ANK3: variants seen among roughly 807,000 people sequenced by gnomAD.
The protein encoded by ANK3 is ankyrin-3.
In ANK3, 57 loss-of-function variants were observed where a neutral mutation model predicts 370.9. The observed-to-expected ratio is 0.15, with a 90% confidence interval of 0.12 to 0.19. The LOEUF (loss-of-function observed/expected upper bound fraction) is 0.19. Among genes scored for constraint, ANK3 ranks in the 10% least tolerant of loss-of-function variants. The probability of loss-of-function intolerance (pLI) is 1.00; values close to 1 mark genes in which losing one functional copy is unlikely to be tolerated. For synonymous variants in ANK3, 1,929 were observed against 1,946.3 expected (o/e 0.99, Z 0.23); for missense variants, 4,439 against 5,302.1 (o/e 0.84, Z 5.06).
At chr10:60,485,153 T>A (rs2075317556) in intron 2 of ANK3, among the ~76,000 whole-genome samples, 1 of 151,890 alleles carries the variant, frequency 6.6e-6, no homozygotes, top group East Asian at 1.9e-4. Context: ...AACACTCGAG[T>A]CGGTTTCATC....
intron 2 of ANK3, among the ~76,000 whole-genome samples, chr10:60,477,972 A>G (rs1458630093): frequency 6.6e-6 from 1 of 152,098 alleles, no homozygotes; most frequent in East Asian, 1.9e-4. Context: ...AAAACTTAAA[A>G]TATATAATTG....
At chr10:60,444,444 G>GTGTATATATA (rs386361850) in intron 2 of ANK3, among the ~76,000 whole-genome samples, 1 of 148,786 alleles carries the variant, frequency 6.7e-6, no homozygotes, top group African/African-American at 2.5e-5. Flanking sequence ...GTGTGTGTGT[G>GTGTATATATA]TATATATATA....
In ANK3 at chr10:60,648,767, T is replaced by TA. The variant is rs796546062; in HGVS notation, c.58-33544dup. On this transcript the variant is annotated intron_variant, in intron 1 of 43. Transcript: ENST00000373827. ...CCTGGGTGACAGAATAAGACTGTCT[T>TA]AAAAAAAAAAAAAAAAAATTCTTGC... Among the ~76,000 whole-genome samples the TA allele has an allele frequency of 2.5e-3, 282 of 112,250 alleles. 7 individuals carry two copies. Among genetic ancestry groups the TA allele is most frequent in the African/African-American group, 5.7e-3 (168 of 29,400 alleles). The allele number at this position is 112,250 out of a possible 152,430, so 73.6% of individuals were successfully genotyped here. A position where few individuals can be genotyped will look rare whatever the true frequency, so the allele number is the denominator to read the frequency against.
chr10:60,202,573 T>C (rs986204681), intron 12 of ANK3, among the ~76,000 whole-genome samples: 4 of 152,246 alleles, frequency 2.6e-5, no homozygotes, highest in Non-Finnish European at 4.4e-5. Context: ...TTGAACTTTC[T>C]TCTTTTAAGT....
intron 2 of ANK3, among the ~76,000 whole-genome samples, chr10:60,585,917 G>T (rs2077824669): frequency 6.6e-6 from 1 of 151,994 alleles, no homozygotes; most frequent in Non-Finnish European, 1.5e-5. Flanking sequence ...CCAGCTACTT[G>T]GGAGGCTAAG....
intron 16 of ANK3, among the ~76,000 whole-genome samples, chr10:60,194,285 A>G (rs2096547055): frequency 6.6e-6 from 1 of 152,230 alleles, no homozygotes; most frequent in South Asian, 2.1e-4. Context: ...AGTATTTTCC[A>G]GTGTACAGGT....
intron 1 of ANK3, among the ~76,000 whole-genome samples, chr10:60,695,393 A>G (rs1192382964): frequency 6.6e-6 from 1 of 152,188 alleles, no homozygotes; most frequent in Non-Finnish European, 1.5e-5. Flanking sequence ...GCTCTGCACC[A>G]AGCAGACCTA....
At chr10:60,108,665 CT>C (rs1565066188) in intron 27 of ANK3, among the ~76,000 whole-genome samples, 164 bp downstream of exon 27, 1 of 152,142 alleles carries the variant, frequency 6.6e-6, no homozygotes. Context: ...GCCTATTAGC[CT>C]TTCACAGAAT....
At chr10:60,576,375 T>C (rs1460279486) in intron 2 of ANK3, among the ~76,000 whole-genome samples, 2 of 152,214 alleles carry the variant, frequency 1.3e-5, no homozygotes, top group Non-Finnish European at 2.9e-5. Flanking sequence ...GATCTATTTT[T>C]AAAACAGAAA....
intron 1 of ANK3, among the ~76,000 whole-genome samples, chr10:60,716,189 A>T (rs1268785666): frequency 4.2e-5 from 3 of 72,236 alleles, no homozygotes; most frequent in Non-Finnish European, 9.2e-5. Context: ...CAAGAAAGTT[A>T]AAAAAAATGT....
intron 42 of ANK3, among the ~76,000 whole-genome samples, chr10:60,046,177 G>A (rs1196360269): frequency 6.6e-6 from 1 of 152,076 alleles, no homozygotes; most frequent in Admixed American, 6.6e-5. Flanking sequence ...TTTGCAACAC[G>A]TTTTTAATGG....
At chr10:60,220,195 G>A (rs1370922711) in intron 8 of ANK3, among the ~76,000 whole-genome samples, 1 of 150,958 alleles carries the variant, frequency 6.6e-6, no homozygotes, top group Non-Finnish European at 1.5e-5. Flanking sequence ...GCAGTACAGT[G>A]ATTTTTTTTT....
chr10:60,397,188 C>T (rs1249620715), intron 2 of ANK3, among the ~76,000 whole-genome samples: 1 of 143,586 alleles, frequency 7.0e-6, no homozygotes, highest in Non-Finnish European at 1.5e-5. Flanking sequence ...GGAGGTCATA[C>T]TTATAGTAGG....
chr10:60,290,815 T>C (rs1394180783), intron 1 of ANK3, among the ~76,000 whole-genome samples: 1 of 152,096 alleles, frequency 6.6e-6, no homozygotes, highest in African/African-American at 2.4e-5. Context: ...CAAAACAACA[T>C]TCCCAACTTT....
intron 2 of ANK3, among the ~76,000 whole-genome samples, chr10:60,485,664 T>C (rs2133109535): frequency 6.6e-6 from 1 of 152,320 alleles, no homozygotes; most frequent in East Asian, 1.9e-4. Context: ...ACATCTGCCA[T>C]ACTGATTTAA....
At chr10:60,584,933 G>A (rs1007812960) in intron 2 of ANK3, among the ~76,000 whole-genome samples, 11 of 152,142 alleles carry the variant, frequency 7.2e-5, no homozygotes, top group Non-Finnish European at 1.5e-5. Context: ...ACTGCCTCAA[G>A]GTCACTATGT....
rs1213467313 is a variant in ANK3 at position 60,029,859 on chromosome 10, C to CTTTCTT, written c.*20-39_*20-34dup. 1.1e-3 allele frequency: 99 copies of CTTTCTT among 88,258 alleles called. 2 individuals carry two copies. Among genetic ancestry groups the CTTTCTT allele is most frequent in the African/African-American group, 5.2e-3 (94 of 17,992 alleles). The allele number at this position is 88,258 out of a possible 1,614,324, so 5.5% of individuals were successfully genotyped here. A position where few individuals can be genotyped will look rare whatever the true frequency, so the allele number is the denominator to read the frequency against. On this transcript the variant is annotated intron_variant, in intron 43 of 43. Coordinates refer to ENST00000280772, the MANE Select transcript of ANK3 (RefSeq NM_020987.5). ...AAGAGACAGTAGATAGTGAGTTTAG[C>CTTTCTT]TTTCTTTTTCTTTTTCTTTTTTTTT...
intron 1 of ANK3, among the ~76,000 whole-genome samples, chr10:60,674,623 G>C (rs1488236742): frequency 6.6e-6 from 1 of 152,136 alleles, no homozygotes; most frequent in Non-Finnish European, 1.5e-5. Flanking sequence ...ATTTGGAGGA[G>C]ACAAACATCC....
intron 1 of ANK3, among the ~76,000 whole-genome samples, chr10:60,689,046 T>C (rs539019041): frequency 6.6e-6 from 1 of 152,292 alleles, no homozygotes; most frequent in South Asian, 2.1e-4. Flanking sequence ...TGACTTTGTT[T>C]CTAATGTAAT....
Sources: gnomAD v4.1 joint callset for allele counts (sites outside exome capture counted in the v4.1 genomes callset) on GRCh38, gnomAD v4.1.1 for gene constraint, MANE v1.5 for transcripts, NCBI Gene and HGNC (gene_info 2026-07-23, HGNC 2026-07-21) for gene names.